Variants in MTHFD1L observed in about 807,000 individuals in gnomAD.
The protein encoded by MTHFD1L is monofunctional C1-tetrahydrofolate synthase, mitochondrial.
Under a neutral mutation model 119.5 loss-of-function variants are expected in MTHFD1L, and 81 were observed. The observed-to-expected ratio is 0.68, with a 90% CI of 0.57 to 0.82. The LOEUF is 0.82. Ranked by LOEUF, MTHFD1L falls within the 40% of genes least tolerant of loss-of-function variation. MTHFD1L has a pLI of 0.00. For synonymous variants in MTHFD1L, 430 were observed against 475.2 expected, an observed-to-expected ratio of 0.90 and a Z score of 1.24; for missense variants, 1,125 against 1,253.4, an observed-to-expected ratio of 0.90 and a Z score of 1.55.
chr6:150,926,098 C>A lies in MTHFD1L; in HGVS notation c.1083-24C>A. Reference sequence around the variant, plus strand: ...ACCTAAGCTGAGAAGCCTTTTCTCTCTTTCGTATTGTCTTTCCCCTCAGTG... The same window carrying A: ...ACCTAAGCTGAGAAGCCTTTTCTCTATTTCGTATTGTCTTTCCCCTCAGTG... On this transcript the variant is annotated intron_variant, in intron 10 of 27. Coordinates refer to ENST00000367321, the MANE Select transcript of MTHFD1L (RefSeq NM_015440.5). This position sits in a 1 kb window ranked among gnomAD's most constrained non-coding sequence, Gnocchi z 4.3. 6.3e-7 allele frequency: 1 copy of A among 1,597,766 alleles called. No homozygotes were observed. The highest frequency in any genetic ancestry group is 1.1e-5 in the South Asian group (1 of 89,364).
At chr6:150,959,412 G>T (rs1796111205) in intron 17 of MTHFD1L, among the ~76,000 whole-genome samples, 1 of 152,218 alleles carries the variant, frequency 6.6e-6, no homozygotes, top group Non-Finnish European at 1.5e-5. Flanking sequence ...CATTCCTAGT[G>T]GCTGAATTAT....
intron 14 of MTHFD1L, among the ~76,000 whole-genome samples, chr6:150,945,010 T>G (rs1039634254): frequency 6.6e-6 from 1 of 152,236 alleles, no homozygotes; most frequent in Non-Finnish European, 1.5e-5. Context: ...AGACCCTTAT[T>G]GGGCTTCATG....
chr6:150,899,107 T>A, intron 7 of MTHFD1L: 1 of 497,280 alleles, frequency 2.0e-6, no homozygotes, highest in Non-Finnish European at 2.6e-6. Context: ...TAAATATCTT[T>A]GATATTTTCT....
At chr6:151,090,919 G>A (rs1012223806) in intron 26 of MTHFD1L, among the ~76,000 whole-genome samples, 20 of 131,622 alleles carry the variant, frequency 1.5e-4, no homozygotes, top group African/African-American at 3.7e-4. Context: ...GTGCAGCATC[G>A]TTCCATGCGA....
At chr6:150,942,531 T>C (rs1793299660) in intron 13 of MTHFD1L, among the ~76,000 whole-genome samples, 1 of 152,112 alleles carries the variant, frequency 6.6e-6, no homozygotes, top group Non-Finnish European at 1.5e-5. Flanking sequence ...TATGGGAATA[T>C]AGATCATTTT....
At chr6:150,997,650 G>A (rs944776911) in intron 20 of MTHFD1L, among the ~76,000 whole-genome samples, 3 of 152,128 alleles carry the variant, frequency 2.0e-5, no homozygotes, top group East Asian at 1.9e-4. Context: ...AATTAGCCAG[G>A]TGTGGTGGTG....
intron 16 of MTHFD1L, among the ~76,000 whole-genome samples, chr6:150,949,561 G>A (rs1794554657): frequency 6.6e-6 from 1 of 152,034 alleles, no homozygotes; most frequent in Admixed American, 6.6e-5. Flanking sequence ...GCAGCTCTCT[G>A]TGTGTTTCCA....
rs576846151 is a variant in MTHFD1L, at chr6:150,927,033, A to G, written c.1256+738A>G. 1.2e-4 allele frequency among the ~76,000 whole-genome samples: 19 copies of G among 152,316 alleles called. 1 individual carries two copies. Among genetic ancestry groups the G allele is most frequent in the African/African-American group, 4.6e-4 (19 of 41,578 alleles). ...TCAGTGACTATTGCTTATGATGTAT[A>G]CAAAGCTTCAGGCACAAAACCTATT... On this transcript the variant is annotated intron_variant, in intron 11 of 27. Transcript: ENST00000367321.
intron 24 of MTHFD1L, chr6:151,016,827 C>A (rs1562544237): frequency 1.7e-5 from 3 of 178,044 alleles, no homozygotes; most frequent in Non-Finnish European, 3.1e-5. Context: ...GGCTGGAGTG[C>A]AATGGCGTGA....
chr6:150,931,814 G>A (rs1791085116), intron 11 of MTHFD1L, among the ~76,000 whole-genome samples: 3 of 152,140 alleles, frequency 2.0e-5, no homozygotes, highest in Non-Finnish European at 4.4e-5. Flanking sequence ...AATGGTCACA[G>A]GTACTTTGAC....
At chr6:150,934,813 G>A (rs1791766800) in intron 11 of MTHFD1L, among the ~76,000 whole-genome samples, 1 of 152,184 alleles carries the variant, frequency 6.6e-6, no homozygotes, top group Admixed American at 6.5e-5. Flanking sequence ...AGGACGTGGG[G>A]TGCTTATCCC....
intron 8 of MTHFD1L, among the ~76,000 whole-genome samples, chr6:150,913,367 G>T (rs1052796902): frequency 2.0e-5 from 3 of 151,720 alleles, no homozygotes; most frequent in South Asian, 2.1e-4. Context: ...GGGTTTCACC[G>T]TGTTAGCCAG....
intron 26 of MTHFD1L, among the ~76,000 whole-genome samples, chr6:151,064,799 TG>T (rs1191867480): frequency 1.3e-5 from 2 of 149,668 alleles, no homozygotes; most frequent in African/African-American, 4.9e-5. Context: ...GTTTTTTTTT[TG>T]TTTTTTTGTT....
At chr6:150,898,910 T>C in intron 7 of MTHFD1L, 1 of 909,982 alleles carries the variant, frequency 1.1e-6, no homozygotes, top group South Asian at 2.2e-5. Context: ...TGATCTAGGC[T>C]CACTGCAAGC....
intron 26 of MTHFD1L, among the ~76,000 whole-genome samples, chr6:151,044,865 G>A (rs1208404310): frequency 6.6e-6 from 1 of 152,188 alleles, no homozygotes. Flanking sequence ...TGCTGGGTGG[G>A]GTTACTGGAC....
intron 18 of MTHFD1L, among the ~76,000 whole-genome samples, chr6:150,961,055 G>A (rs6916411): frequency 0.011 from 1,609 of 143,856 alleles, 22 homozygotes; most frequent in African/African-American, 0.039. Context: ...TTTCTTCTTC[G>A]TCTTTCTGGT....
intron 16 of MTHFD1L, 143 bp from the exon 17 acceptor site, chr6:150,955,852 T>C (rs1795562385): frequency 1.5e-6 from 1 of 663,762 alleles, no homozygotes; most frequent in African/African-American, 1.8e-5. Context: ...TCTCTATGTC[T>C]ACCCACTAGA....
Position 150,964,972 on chromosome 6 carries a change from G to T in MTHFD1L, c.1948G>T (p.Val650Leu), listed in dbSNP as rs993704731. The T allele has an allele frequency of 3.1e-6, 5 of 1,613,768 alleles. No homozygotes were observed. Among genetic ancestry groups the T allele is most frequent in the Non-Finnish European group, 4.2e-6 (5 of 1,179,694 alleles). The change falls in exon 19 of 28, where the codon GTG (valine) becomes TTG (leucine). Residue 650 changes from valine to leucine, a missense_variant. Val to Leu is a conservative substitution (Grantham distance 32). Transcript: ENST00000367321. The part of the protein sequence containing the change: ...GQPVTADDLG[V>L]TGALTVLMKD... ...AATGTTTTTCTCTCTCCTGTAGGGGGTGACAGGTGCTTTGACAGTTTTGAT... is the reference window on the plus strand; with the variant it reads ...AATGTTTTTCTCTCTCCTGTAGGGGTTGACAGGTGCTTTGACAGTTTTGAT...
At chr6:151,044,743 C>T (rs1006680609) in intron 26 of MTHFD1L, among the ~76,000 whole-genome samples, 1 of 152,152 alleles carries the variant, frequency 6.6e-6, no homozygotes, top group East Asian at 1.9e-4. Flanking sequence ...GTGACCCGGC[C>T]CTGCCACATC....
Sources: allele counts gnomAD v4.1 joint callset (sites outside exome capture counted in the v4.1 genomes callset), GRCh38; gene constraint gnomAD v4.1.1; non-coding constraint Gnocchi (gnomAD v3.1); transcripts MANE v1.5; gene names NCBI Gene and HGNC (gene_info 2026-07-23, HGNC 2026-07-21).